The following SOBP variants were observed in gnomAD, a reference collection of about 807,000 sequenced individuals.
SOBP encodes the protein sine oculis-binding protein homolog.
SOBP carries 4 observed loss-of-function variants against 53.6 expected under a neutral mutation model. The ratio of observed to expected loss-of-function variants is 0.07; its 90% CI spans 0.04 to 0.17. The LOEUF is 0.17. Ranked by LOEUF, SOBP falls within the 10% of genes least tolerant of loss-of-function variation. The pLI, the probability that SOBP is intolerant of heterozygous loss-of-function variation, is 1.00. For missense variants in SOBP, 1,088 were observed against 1,204.7 expected, an observed-to-expected ratio of 0.90 and a Z score of 1.43; for synonymous variants, 584 against 522.6, an observed-to-expected ratio of 1.12 and a Z score of -1.60.
At chr6:107,553,531 G>A (rs368958897) in intron 4 of SOBP, among the ~76,000 whole-genome samples, 4 of 149,698 alleles carry the variant, frequency 2.7e-5, no homozygotes, top group Admixed American at 1.3e-4. Context: ...TCCCTCTGTC[G>A]CCCAGGCTGG....
intron 5 of SOBP, among the ~76,000 whole-genome samples, chr6:107,616,340 C>T (rs1470792585): frequency 6.6e-6 from 1 of 152,168 alleles, no homozygotes; most frequent in Non-Finnish European, 1.5e-5. Context: ...CGGACCCAGG[C>T]TCCCTTCTGA....
chr6:107,614,342 G>C (rs764635438), intron 5 of SOBP, among the ~76,000 whole-genome samples: 4 of 152,170 alleles, frequency 2.6e-5, no homozygotes, highest in Admixed American at 6.5e-5. Flanking sequence ...GAAGCAGCTT[G>C]AACAGTAGAG....
chr6:107,573,289 A>C (rs1039548217), intron 4 of SOBP, among the ~76,000 whole-genome samples: 1 of 151,944 alleles, frequency 6.6e-6, no homozygotes, highest in African/African-American at 2.4e-5. Flanking sequence ...CATGCAATTT[A>C]ATTTTAATCA....
intron 6 of SOBP, among the ~76,000 whole-genome samples, chr6:107,656,357 GAAA>G (rs1772062709): frequency 3.3e-5 from 1 of 30,286 alleles, no homozygotes; most frequent in Admixed American, 3.7e-4. Flanking sequence ...AAGAAAGAAA[GAAA>G]GAAAGAAAGT....
intron 4 of SOBP, among the ~76,000 whole-genome samples, chr6:107,567,328 C>T (rs1482540252): frequency 6.6e-6 from 1 of 152,140 alleles, no homozygotes; most frequent in Non-Finnish European, 1.5e-5. Flanking sequence ...GAAATCTTAC[C>T]TATGGTACTC....
In SOBP at chr6:107,636,877, T is replaced by C. The variant is rs185019196; in HGVS notation, c.*3+1408T>C. On this transcript the variant is annotated intron_variant, in intron 6 of 6. Transcript: ENST00000317357. ...TAGGACAATTATCGTCTTCATTTTATTGATGAGGAAACCAAGACAGAGACA... is the reference window on the plus strand; with the variant it reads ...TAGGACAATTATCGTCTTCATTTTACTGATGAGGAAACCAAGACAGAGACA... Among the ~76,000 whole-genome samples the C allele has an allele frequency of 5.2e-3, 797 of 152,280 alleles. 3 individuals carry two copies. The highest frequency in any genetic ancestry group is 6.5e-3 in the Non-Finnish European group (443 of 68,008).
chr6:107,625,098 T>C (rs1351262660), intron 5 of SOBP, among the ~76,000 whole-genome samples: 6 of 152,288 alleles, frequency 3.9e-5, no homozygotes, highest in African/African-American at 1.4e-4. Context: ...TTTGTGGAGG[T>C]TCAATGAGGA....
chr6:107,622,341 C>G (rs550187452), intron 5 of SOBP, among the ~76,000 whole-genome samples: 1 of 152,282 alleles, frequency 6.6e-6, no homozygotes, highest in East Asian at 1.9e-4. Context: ...TTAATCTCAT[C>G]AAGAAAACTT....
intron 3 of SOBP, chr6:107,514,145 G>C (rs1271539855): frequency 1.3e-5 from 2 of 152,402 alleles, no homozygotes; most frequent in African/African-American, 4.8e-5. Flanking sequence ...CTTACATTGT[G>C]CTAGACAATA....
At chr6:107,637,056 AC>A (rs1017266832) in intron 6 of SOBP, among the ~76,000 whole-genome samples, 2 of 152,012 alleles carry the variant, frequency 1.3e-5, no homozygotes, top group African/African-American at 4.8e-5. Flanking sequence ...TGTTTTACCC[AC>A]CTCAGTGGGT....
intron 3 of SOBP, among the ~76,000 whole-genome samples, chr6:107,528,563 G>A (rs953257942): frequency 6.6e-6 from 1 of 152,214 alleles, no homozygotes; most frequent in African/African-American, 2.4e-5. Context: ...TAGTCATAAA[G>A]AAGTAAAGGC....
intron 6 of SOBP, chr6:107,636,102 C>G (rs927115426): frequency 6.0e-6 from 1 of 166,230 alleles, no homozygotes; most frequent in Admixed American, 5.5e-5. Flanking sequence ...CATGGGGTCT[C>G]CTTCCTGCAG....
At chr6:107,632,680 C>T (rs754105856) in intron 5 of SOBP, among the ~76,000 whole-genome samples, 2 of 152,176 alleles carry the variant, frequency 1.3e-5, no homozygotes, top group Non-Finnish European at 2.9e-5. Flanking sequence ...TTGGGAAAAG[C>T]TCTCAGCCTT....
intron 3 of SOBP, chr6:107,529,716 A>G: frequency 1.6e-6 from 1 of 639,584 alleles, no homozygotes; most frequent in South Asian, 7.0e-5. Flanking sequence ...AATTTCTCAA[A>G]CAACTTCAGC....
chr6:107,509,961 C>G (rs1051279044), intron 3 of SOBP: 1 of 152,160 alleles, frequency 6.6e-6, no homozygotes, highest in South Asian at 2.1e-4. Flanking sequence ...TATGACAAGA[C>G]AAAGATACAA....
chr6:107,514,804 C>A (rs1410172525), intron 3 of SOBP: 1 of 152,078 alleles, frequency 6.6e-6, no homozygotes, highest in Non-Finnish European at 1.5e-5. Flanking sequence ...AGTTGCTCTC[C>A]TGATTTTATG....
chr6:107,496,422 C>T (rs1371311849), intron 1 of SOBP, among the ~76,000 whole-genome samples: 1 of 152,098 alleles, frequency 6.6e-6, no homozygotes, highest in Non-Finnish European at 1.5e-5. Flanking sequence ...AGTAAAACAC[C>T]ATACATTTTA....
intron 5 of SOBP, among the ~76,000 whole-genome samples, chr6:107,591,615 G>A (rs551790851): frequency 7.9e-5 from 12 of 152,236 alleles, no homozygotes; most frequent in African/African-American, 2.9e-4. Flanking sequence ...TATATAGGTT[G>A]GCCAAGTGTA....
chr6:107,510,399 G>A (rs1783135438), intron 3 of SOBP, among the ~76,000 whole-genome samples: 1 of 152,108 alleles, frequency 6.6e-6, no homozygotes, highest in Non-Finnish European at 1.5e-5. Flanking sequence ...GAACAGCAAG[G>A]GCAGGAAAAT....
Sources: gnomAD v4.1 joint callset for allele counts (sites outside exome capture counted in the v4.1 genomes callset) on GRCh38, gnomAD v4.1.1 for gene constraint, MANE v1.5 for transcripts, NCBI Gene and HGNC (gene_info 2026-07-23, HGNC 2026-07-21) for gene names.